CAMKMT: variants seen among roughly 807,000 people sequenced by gnomAD.
The protein encoded by CAMKMT is calmodulin-lysine N-methyltransferase, also known as CaM KMT.
CAMKMT carries 53 observed loss-of-function variants against 48.0 expected under a neutral mutation model. That is an observed-to-expected ratio of 1.10 (90% CI 0.89 to 1.39). The LOEUF (loss-of-function observed/expected upper bound fraction) is 1.39, where lower values mean the gene tolerates loss of function less well. Ranked by LOEUF, CAMKMT falls within the 40% of genes most tolerant of loss-of-function variation. The probability of loss-of-function intolerance (pLI) is 0.00; values close to 1 mark genes in which losing one functional copy is unlikely to be tolerated. For missense variants in CAMKMT, 428 were observed against 402.7 expected, an observed-to-expected ratio of 1.06 and a Z score of -0.54; for synonymous variants, 165 against 152.3, an observed-to-expected ratio of 1.08 and a Z score of -0.61.
chr2:44,546,046 A>G (rs1230917821), intron 3 of CAMKMT, among the ~76,000 whole-genome samples: 1 of 152,084 alleles, frequency 6.6e-6, no homozygotes, highest in Non-Finnish European at 1.5e-5. Flanking sequence ...TTTATGTAAG[A>G]GGTAAGATTA....
intron 3 of CAMKMT, among the ~76,000 whole-genome samples, chr2:44,443,699 G>C (rs1262577936): frequency 6.6e-6 from 1 of 152,166 alleles, no homozygotes; most frequent in African/African-American, 2.4e-5. Context: ...TTGAACAATA[G>C]AGCTTGACTT....
At chr2:44,491,150 CAAAAA>C (rs201007456) in intron 3 of CAMKMT, among the ~76,000 whole-genome samples, 10 of 114,216 alleles carry the variant, frequency 8.8e-5, no homozygotes, top group Admixed American at 9.2e-5. Flanking sequence ...GACCTTGTCT[CAAAAA>C]AAAAAAAAAA....
At chr2:44,607,754 T>C (rs1458909700) in intron 3 of CAMKMT, among the ~76,000 whole-genome samples, 2 of 152,214 alleles carry the variant, frequency 1.3e-5, no homozygotes, top group African/African-American at 2.4e-5. Context: ...GTAATTATAA[T>C]TTGAATATAT....
intron 8 of CAMKMT, among the ~76,000 whole-genome samples, chr2:44,752,110 G>C (rs564873239): frequency 6.6e-6 from 1 of 151,914 alleles, no homozygotes; most frequent in Admixed American, 6.6e-5. Flanking sequence ...ACTGCTTTTC[G>C]GTGCTGTATA....
chr2:44,528,974 G>T (rs763359682), intron 3 of CAMKMT, among the ~76,000 whole-genome samples: 2 of 151,968 alleles, frequency 1.3e-5, no homozygotes, highest in African/African-American at 2.4e-5. Flanking sequence ...CCATTATTTC[G>T]TTAGGGGTTT....
chr2:44,671,582 G>A (rs976919804), intron 3 of CAMKMT, among the ~76,000 whole-genome samples: 26 of 152,114 alleles, frequency 1.7e-4, no homozygotes, highest in African/African-American at 6.0e-4. Context: ...CCCTCACCCC[G>A]TGTGGCCACC....
At chr2:44,454,707 C>T (rs1249164672) in intron 3 of CAMKMT, among the ~76,000 whole-genome samples, 1 of 152,082 alleles carries the variant, frequency 6.6e-6, no homozygotes, top group Non-Finnish European at 1.5e-5. Flanking sequence ...TGGCCCCAAA[C>T]CTAATATAGC....
intron 3 of CAMKMT, among the ~76,000 whole-genome samples, chr2:44,472,656 C>T (rs1019953335): frequency 4.8e-4 from 73 of 152,062 alleles, no homozygotes; most frequent in Non-Finnish European, 4.7e-4. Context: ...CACCTAGGAG[C>T]CCACAGTTGG....
At chr2:44,508,813 C>T (rs912065793) in intron 3 of CAMKMT, among the ~76,000 whole-genome samples, 17 of 152,014 alleles carry the variant, frequency 1.1e-4, no homozygotes, top group South Asian at 2.1e-4. Context: ...TTGTATGTCT[C>T]AGCTGGGTGT....
intron 3 of CAMKMT, among the ~76,000 whole-genome samples, chr2:44,402,064 C>T (rs6716481): frequency 0.11 from 16,066 of 152,140 alleles, 1,206 homozygotes; most frequent in African/African-American, 0.21. Flanking sequence ...CGGTGGCTCA[C>T]GCCTATAGTC....
chr2:44,655,504 A>T (rs1361049900), intron 3 of CAMKMT, among the ~76,000 whole-genome samples: 1 of 152,192 alleles, frequency 6.6e-6, no homozygotes, highest in Non-Finnish European at 1.5e-5. Context: ...GGCTGATTAT[A>T]TAAACAATAA....
At chr2:44,499,465 C>G (rs1669907200) in intron 3 of CAMKMT, among the ~76,000 whole-genome samples, 1 of 152,180 alleles carries the variant, frequency 6.6e-6, no homozygotes, top group South Asian at 2.1e-4. Context: ...TGTAATTGCT[C>G]TCTAGTGTGA....
intron 3 of CAMKMT, among the ~76,000 whole-genome samples, chr2:44,693,533 C>G (rs1415385617): frequency 6.6e-6 from 1 of 152,176 alleles, no homozygotes; most frequent in Non-Finnish European, 1.5e-5. Flanking sequence ...TGTTCTTCCC[C>G]CTCTGGGTCT....
At chr2:44,681,594 G>C (rs1676025019) in intron 3 of CAMKMT, among the ~76,000 whole-genome samples, 1 of 151,246 alleles carries the variant, frequency 6.6e-6, no homozygotes, top group Admixed American at 6.6e-5. Flanking sequence ...GCAAGAGCAA[G>C]GTCCTTTCTT....
intron 3 of CAMKMT, among the ~76,000 whole-genome samples, chr2:44,585,861 G>A (rs1217424248): frequency 6.6e-6 from 1 of 152,100 alleles, no homozygotes; most frequent in Non-Finnish European, 1.5e-5. Context: ...TATAAACAAT[G>A]CATAATTTTA....
At chr2:44,576,227 C>T (rs1458616431) in intron 3 of CAMKMT, among the ~76,000 whole-genome samples, 3 of 150,938 alleles carry the variant, frequency 2.0e-5, no homozygotes, top group Admixed American at 2.0e-4. Context: ...ACTCAGGAGG[C>T]TGAGGCAGGA....
In CAMKMT at chr2:44,705,834, GTT is replaced by G. The variant is rs200612513; in HGVS notation, c.438-452_438-451del. Reference sequence around the variant, plus strand: ...GATTGCATCTATTTATTTTGTGTGTGTTGTTTGTATGTAACTATAATATAGGT... The same window carrying G: ...GATTGCATCTATTTATTTTGTGTGTGGTTTGTATGTAACTATAATATAGGT... On this transcript the variant is annotated intron_variant, in intron 4 of 10. Transcript: ENST00000378494. 2.9e-3 allele frequency among the ~76,000 whole-genome samples: 438 copies of G among 152,058 alleles called. 2 individuals are homozygous for G. The highest frequency in any genetic ancestry group is 1.0e-2 in the African/African-American group (415 of 41,504).
intron 2 of CAMKMT, among the ~76,000 whole-genome samples, chr2:44,374,183 C>G (rs1006839006): frequency 1.4e-5 from 2 of 139,942 alleles, no homozygotes; most frequent in Admixed American, 7.1e-5. Flanking sequence ...TATAAACTTA[C>G]AGATTTTGGG....
chr2:44,594,787 G>A (rs1408968487), intron 3 of CAMKMT, among the ~76,000 whole-genome samples: 5 of 152,164 alleles, frequency 3.3e-5, no homozygotes, highest in Non-Finnish European at 7.3e-5. Flanking sequence ...AAAAGCAATG[G>A]CAACAAAATC....
Sources: gnomAD v4.1 joint callset for allele counts (sites outside exome capture counted in the v4.1 genomes callset) on GRCh38, gnomAD v4.1.1 for gene constraint, MANE v1.5 for transcripts, NCBI Gene and HGNC (gene_info 2026-07-23, HGNC 2026-07-21) for gene names.